PDE1A: variants seen among roughly 807,000 people sequenced by gnomAD.
PDE1A encodes the protein dual specificity calcium/calmodulin-dependent 3',5'-cyclic nucleotide phosphodiesterase 1A.
Under a neutral mutation model 61.7 loss-of-function variants are expected in PDE1A, and 35 were observed. The observed-to-expected ratio is 0.57, with a 90% CI of 0.43 to 0.75. The LOEUF is 0.75. PDE1A is among the 30% of genes least tolerant of loss of function. PDE1A has a pLI of 0.00. For missense variants in PDE1A, 597 were observed against 630.6 expected, an observed-to-expected ratio of 0.95 and a Z score of 0.57; for synonymous variants, 232 against 213.2, an observed-to-expected ratio of 1.09 and a Z score of -0.77.
the PDE1A span, among the ~76,000 whole-genome samples, chr2:182,653,033 T>C: frequency 6.6e-6 from 1 of 152,196 alleles, no homozygotes; most frequent in East Asian, 1.9e-4. Context: ...TTCAGGATCA[T>C]GGGGCTCATT....
chr2:182,661,151 C>A, the PDE1A span, among the ~76,000 whole-genome samples: 1 of 152,290 alleles, frequency 6.6e-6, no homozygotes, highest in South Asian at 2.1e-4. Context: ...TAAATCAATT[C>A]TCCTCAGTTG....
chr2:182,478,502 C>A (rs1371286871), intron 2 of PDE1A, among the ~76,000 whole-genome samples: 1 of 151,850 alleles, frequency 6.6e-6, no homozygotes, highest in African/African-American at 2.4e-5. Context: ...CATATGCAAG[C>A]CACATATATA....
the PDE1A span, among the ~76,000 whole-genome samples, chr2:182,560,835 T>C: frequency 3.9e-5 from 6 of 152,200 alleles, no homozygotes; most frequent in African/African-American, 1.4e-4. Flanking sequence ...CATTTTTTCA[T>C]GTGTTTTTTG....
chr2:182,168,014 C>T (rs1691755724), exon 14 of PDE1A: 1 of 1,224,232 alleles, frequency 8.2e-7, no homozygotes, highest in South Asian at 4.2e-5. Context: ...TCTGAAAGCA[C>T]AAGGTGCTGA....
intron 10 of PDE1A, among the ~76,000 whole-genome samples, chr2:182,193,925 C>T (rs564437981): frequency 5.5e-4 from 84 of 152,146 alleles, no homozygotes; most frequent in African/African-American, 2.0e-3. Flanking sequence ...AGATCCTTGG[C>T]TGAGAATGGA....
At chr2:182,328,845 T>C (rs1438450862) in intron 1 of PDE1A, among the ~76,000 whole-genome samples, 2 of 152,132 alleles carry the variant, frequency 1.3e-5, no homozygotes, top group African/African-American at 4.8e-5. Flanking sequence ...TTATTTAGAA[T>C]CAAAGTAACA....
At chr2:182,686,646 C>A in the PDE1A span, among the ~76,000 whole-genome samples, 1 of 152,184 alleles carries the variant, frequency 6.6e-6, no homozygotes, top group South Asian at 2.1e-4. Flanking sequence ...ACTGAGGTAC[C>A]GGGTTCATCT....
intron 1 of PDE1A, among the ~76,000 whole-genome samples, chr2:182,273,616 A>G (rs1481682610): frequency 6.6e-6 from 1 of 152,130 alleles, no homozygotes. Context: ...TGATGAAACA[A>G]ACTATGATGG....
the PDE1A span, among the ~76,000 whole-genome samples, chr2:182,692,420 TA>T: frequency 4.0e-5 from 6 of 149,512 alleles, no homozygotes; most frequent in Non-Finnish European, 7.4e-5. Flanking sequence ...ATTGCAAGGA[TA>T]AAAAACCAAA....
chr2:182,488,482 G>T (rs1688166911), intron 2 of PDE1A, among the ~76,000 whole-genome samples: 1 of 151,938 alleles, frequency 6.6e-6, no homozygotes. Context: ...ACTTTATTTG[G>T]CAAATTAGAT....
chr2:182,349,926 T>C (rs1213079879), intron 1 of PDE1A, among the ~76,000 whole-genome samples: 1 of 152,138 alleles, frequency 6.6e-6, no homozygotes, highest in East Asian at 1.9e-4. Flanking sequence ...TATTGACATA[T>C]AACATACATA....
intron 13 of PDE1A, among the ~76,000 whole-genome samples, chr2:182,157,453 G>A (rs1463753210): frequency 6.6e-6 from 1 of 152,158 alleles, no homozygotes; most frequent in Non-Finnish European, 1.5e-5. Context: ...CCTAGAGACT[G>A]CAAATATCAC....
chr2:182,212,931 T>TGCCTGCCTCTGTAGGCCC, intron 7 of PDE1A, among the ~76,000 whole-genome samples: 1 of 151,708 alleles, frequency 6.6e-6, no homozygotes, highest in South Asian at 2.1e-4. Flanking sequence ...CAAGGAGGCC[T>TGCCTGCCTCTGTAGGCCC]GCCTGCCTCT....
At chr2:182,511,105 C>T (rs1689752086) in intron 2 of PDE1A, among the ~76,000 whole-genome samples, 1 of 152,034 alleles carries the variant, frequency 6.6e-6, no homozygotes, top group African/African-American at 2.4e-5. Flanking sequence ...TTAATTAATT[C>T]TCTCAACACC....
the PDE1A span, among the ~76,000 whole-genome samples, chr2:182,712,733 T>A: frequency 6.6e-6 from 1 of 152,130 alleles, no homozygotes; most frequent in Non-Finnish European, 1.5e-5. Context: ...ATTTTTTGTA[T>A]TTTTTGTAGA....
chr2:182,376,910 T>C (rs187282942), intron 1 of PDE1A, among the ~76,000 whole-genome samples: 1 of 152,102 alleles, frequency 6.6e-6, no homozygotes, highest in Non-Finnish European at 1.5e-5. Context: ...GTTAAAACCA[T>C]CAGATTTCGT....
intron 1 of PDE1A, among the ~76,000 whole-genome samples, chr2:182,408,820 C>T (rs186155300): frequency 1.3e-5 from 2 of 152,324 alleles, no homozygotes; most frequent in East Asian, 3.9e-4. Flanking sequence ...TGCTCACTCT[C>T]ACAGAAACTT....
intron 2 of PDE1A, among the ~76,000 whole-genome samples, chr2:182,511,366 A>G (rs1278988060): frequency 6.6e-6 from 1 of 152,122 alleles, no homozygotes; most frequent in Non-Finnish European, 1.5e-5. Flanking sequence ...TGGGATTGCC[A>G]AGCACCAGGA....
In PDE1A at chr2:182,241,819, T is replaced by C. The variant is rs1473229147; in HGVS notation, c.168-1527A>G. 2.6e-6 allele frequency: 4 copies of C among 1,531,552 alleles called. No homozygotes were observed. The East Asian group carries it at 9.5e-5, about 36-fold the overall frequency. The allele number at this position is 1,531,552 out of a possible 1,614,324, so 94.9% of individuals were successfully genotyped here. A position where few individuals can be genotyped will look rare whatever the true frequency, so the allele number is the denominator to read the frequency against. ...ATACTTACTCTATATGATTTTTAAC[T>C]TTCTTTCTGATCTGACATTTGGATG... is the stretch of plus-strand genomic sequence containing the variant. On this transcript the variant is annotated intron_variant, in intron 2 of 13. Transcript: ENST00000351439.
Sources: allele counts gnomAD v4.1 joint callset (sites outside exome capture counted in the v4.1 genomes callset), GRCh38; gene constraint gnomAD v4.1.1; transcripts MANE v1.5; gene names NCBI Gene and HGNC (gene_info 2026-07-23, HGNC 2026-07-21).